The following GPC6 variants were observed in gnomAD, a reference collection of about 807,000 sequenced individuals.
GPC6 encodes glypican-6.
In GPC6, 14 loss-of-function variants were observed where a neutral mutation model predicts 55.2. The ratio of observed to expected loss-of-function variants is 0.25; its 90% CI spans 0.17 to 0.40. The LOEUF is 0.40. GPC6 is among the 10% of genes least tolerant of loss of function. GPC6 has a pLI of 1.00. For synonymous variants in GPC6, 278 were observed against 259.6 expected (o/e 1.07, Z -0.68); for missense variants, 641 against 708.5 (o/e 0.90, Z 1.08).
At chr13:93,328,172 T>C (rs1216410545) in intron 1 of GPC6, among the ~76,000 whole-genome samples, 1 of 152,122 alleles carries the variant, frequency 6.6e-6, no homozygotes, top group Admixed American at 6.6e-5. Flanking sequence ...TAAAGCAAAT[T>C]CCCAGGAACA....
chr13:93,703,641 G>C (rs9301900), intron 2 of GPC6, among the ~76,000 whole-genome samples: 2 of 151,412 alleles, frequency 1.3e-5, no homozygotes, highest in Non-Finnish European at 2.9e-5. Context: ...TCCACCCCCC[G>C]CCCCCGTTAA....
rs374861659 is a variant in GPC6, at chr13:93,617,455, T to C, written c.319+72034T>C. Among the ~76,000 whole-genome samples, 82 of 152,176 alleles carry C rather than the reference T, an allele frequency of 5.4e-4. 1 individual carries two copies. Among genetic ancestry groups the C allele is most frequent in the African/African-American group, 1.9e-3 (78 of 41,530 alleles). ...AATGAAGAGAGAGATATAACTTAAA[T>C]AGATAAAGCAACATTTTTCTGATCA... On this transcript the variant is annotated intron_variant, in intron 2 of 8. Transcript: ENST00000377047.
At chr13:93,425,499 A>G (rs1302274142) in intron 1 of GPC6, among the ~76,000 whole-genome samples, 2 of 152,190 alleles carry the variant, frequency 1.3e-5, no homozygotes, top group African/African-American at 2.4e-5. Flanking sequence ...GGATCAAAAG[A>G]TTAAACCGGT....
At chr13:93,722,064 C>T (rs1480909670) in intron 2 of GPC6, among the ~76,000 whole-genome samples, 1 of 151,616 alleles carries the variant, frequency 6.6e-6, no homozygotes, top group Non-Finnish European at 1.5e-5. Flanking sequence ...TTTTAAATAG[C>T]TTCACTTAAG....
intron 3 of GPC6, among the ~76,000 whole-genome samples, chr13:93,929,096 G>C (rs534991214): frequency 6.6e-5 from 10 of 152,190 alleles, no homozygotes; most frequent in African/African-American, 2.4e-4. Context: ...ACTTCAAAAA[G>C]TTATGTCAGA....
chr13:93,934,639 G>A (rs560242680), intron 3 of GPC6, among the ~76,000 whole-genome samples: 52 of 152,272 alleles, frequency 3.4e-4, no homozygotes, highest in African/African-American at 1.1e-3. Flanking sequence ...ACAATGATCA[G>A]TCTGCTTTCT....
At chr13:93,476,627 T>G (rs987880709) in intron 1 of GPC6, among the ~76,000 whole-genome samples, 1 of 152,208 alleles carries the variant, frequency 6.6e-6, no homozygotes, top group South Asian at 2.1e-4. Context: ...TTTTCCAAAC[T>G]TTCACATTTC....
intron 2 of GPC6, among the ~76,000 whole-genome samples, chr13:93,546,442 G>A (rs997186417): frequency 1.3e-5 from 2 of 152,278 alleles, no homozygotes; most frequent in African/African-American, 2.4e-5. Flanking sequence ...GGTTCTCAAA[G>A]TTACGGAAGA....
At chr13:94,013,998 A>T (rs537279316) in intron 3 of GPC6, among the ~76,000 whole-genome samples, 2 of 152,366 alleles carry the variant, frequency 1.3e-5, no homozygotes, top group East Asian at 3.9e-4. Flanking sequence ...TTTTAAAAAT[A>T]GGCTGAATAT....
chr13:93,429,223 C>G (rs1231564061), intron 1 of GPC6, among the ~76,000 whole-genome samples: 1 of 152,090 alleles, frequency 6.6e-6, no homozygotes, highest in Non-Finnish European at 1.5e-5. Context: ...CTGCAATACT[C>G]ATACATATTC....
chr13:94,213,216 GCTCTT>G lies in GPC6; in HGVS notation c.878-73122_878-73118del, dbSNP rs573253931. On this transcript the variant is annotated intron_variant, in intron 4 of 8. Coordinates refer to ENST00000377047, the MANE Select transcript of GPC6 (RefSeq NM_005708.5). ...GTCCTGGAGTCAGGATTGGAGCTGT[GCTCTT>G]CTCTTCTCTTTCTCTCTCTAACTTG... 1.6e-3 allele frequency among the ~76,000 whole-genome samples: 246 copies of G among 152,182 alleles called. 1 individual carries two copies. Among genetic ancestry groups the G allele is most frequent in the Middle Eastern group, 0.014 (4 of 294 alleles).
Position 94,324,272 on chromosome 13 carries a change from T to C in GPC6, c.1152+18149T>C, listed in dbSNP as rs550771263. ...TTTCTGAGAGCAGCGTACATGCCTG[T>C]GGCCTCAGGTCACCACCGAGGACCA... On this transcript the variant is annotated intron_variant, in intron 6 of 8. Transcript: ENST00000377047. Among the ~76,000 whole-genome samples the C allele has an allele frequency of 4.8e-5, 7 of 145,612 alleles. No homozygotes were observed. The South Asian group carries it at 1.3e-3, about 28-fold the overall frequency.
intron 1 of GPC6, among the ~76,000 whole-genome samples, chr13:93,402,453 G>A (rs1330286578): frequency 6.6e-6 from 1 of 152,112 alleles, no homozygotes; most frequent in Non-Finnish European, 1.5e-5. Flanking sequence ...TGGATAAGAT[G>A]CTCTCTGGGG....
chr13:94,200,845 C>A (rs1193853983), intron 4 of GPC6, among the ~76,000 whole-genome samples: 2 of 152,118 alleles, frequency 1.3e-5, no homozygotes, highest in East Asian at 3.9e-4. Context: ...AAATTAGTGG[C>A]CACACTGGGT....
intron 3 of GPC6, among the ~76,000 whole-genome samples, chr13:93,971,446 G>T (rs1455676387): frequency 6.6e-6 from 1 of 152,148 alleles, no homozygotes; most frequent in African/African-American, 2.4e-5. Flanking sequence ...TGAAATACAA[G>T]TTGTTTGAAA....
intron 2 of GPC6, among the ~76,000 whole-genome samples, chr13:93,762,141 T>C (rs1354593950): frequency 2.6e-5 from 4 of 152,206 alleles, no homozygotes; most frequent in African/African-American, 9.6e-5. Context: ...TGTCTTTCTG[T>C]CCCTGGCTTA....
At chr13:94,213,624 C>T (rs1182437403) in intron 4 of GPC6, among the ~76,000 whole-genome samples, 1 of 152,134 alleles carries the variant, frequency 6.6e-6, no homozygotes, top group South Asian at 2.1e-4. Flanking sequence ...GGACTTGCCT[C>T]GGTTCCATGT....
intron 4 of GPC6, among the ~76,000 whole-genome samples, chr13:94,199,031 G>A (rs944962117): frequency 6.6e-6 from 1 of 152,158 alleles, no homozygotes. Context: ...CCACCATGGA[G>A]AGTTTAGGGC....
intron 4 of GPC6, among the ~76,000 whole-genome samples, chr13:94,083,001 A>G (rs1485662879): frequency 6.6e-6 from 1 of 152,190 alleles, no homozygotes; most frequent in Non-Finnish European, 1.5e-5. Context: ...CTGTTCACGA[A>G]TTGACTCATG....
Sources: gnomAD v4.1 joint callset for allele counts (sites outside exome capture counted in the v4.1 genomes callset) on GRCh38, gnomAD v4.1.1 for gene constraint, MANE v1.5 for transcripts, NCBI Gene and HGNC (gene_info 2026-07-23, HGNC 2026-07-21) for gene names.